The following METTL16 variants were observed in gnomAD, a reference collection of about 807,000 sequenced individuals.
METTL16 encodes the protein methyltransferase 16, RNA N6-adenosine.
METTL16 carries 19 observed loss-of-function variants against 57.9 expected under a neutral mutation model. The ratio of observed to expected loss-of-function variants is 0.33; its 90% CI spans 0.23 to 0.48. The LOEUF is 0.48. Ranked by LOEUF, METTL16 falls within the 20% of genes least tolerant of loss-of-function variation. METTL16 has a pLI of 0.99. For synonymous variants in METTL16, 246 were observed against 255.6 expected (o/e 0.96, Z 0.36); for missense variants, 434 against 691.5 (o/e 0.63, Z 4.18).
In METTL16 at chr17:2,442,507, GATT is replaced by G. The variant is rs1371869254; in HGVS notation, c.729-951_729-949del. Among the ~76,000 whole-genome samples, 3 of 151,362 alleles carry G rather than the reference GATT, an allele frequency of 2.0e-5. No homozygotes were observed. The East Asian group carries it at 5.8e-4, about 29-fold the overall frequency. On this transcript the variant is annotated intron_variant, in intron 6 of 9. Transcript: ENST00000263092. ...AAGAAGAAGAAAGGAAAAAAAAAAA[GATT>G]AGAGCAGAAACTGAGGAAAGAGAAA...
intron 3 of METTL16, among the ~76,000 whole-genome samples, chr17:2,474,048 G>A (rs992599381): frequency 6.6e-6 from 1 of 152,034 alleles, no homozygotes; most frequent in Non-Finnish European, 1.5e-5. Context: ...ACTTCCTAAA[G>A]GATCGAAACC....
chr17:2,508,056 T>A (rs1292916526), intron 1 of METTL16, among the ~76,000 whole-genome samples: 1 of 151,738 alleles, frequency 6.6e-6, no homozygotes, highest in East Asian at 1.9e-4. Flanking sequence ...TCTGCTGACC[T>A]TCCCTCCACT....
At chr17:2,446,949 C>A (rs1459582116) in intron 6 of METTL16, among the ~76,000 whole-genome samples, 1 of 151,480 alleles carries the variant, frequency 6.6e-6, no homozygotes, top group African/African-American at 2.4e-5. Context: ...ACCTCCCAGC[C>A]GCCTGCCTTG....
At chr17:2,474,680 C>T (rs950020947) in intron 3 of METTL16, among the ~76,000 whole-genome samples, 1 of 152,218 alleles carries the variant, frequency 6.6e-6, no homozygotes, top group South Asian at 2.1e-4. Flanking sequence ...AGTCCCAGCA[C>T]TTTGGGAGGC....
Position 2,420,958 on chromosome 17 carries a change from C to T in METTL16, c.889-54G>A. ...GAAGAAAGTTATCCGAATAATTAAACCTCATGCATTGTAATGAACTCAGAG... is the reference window on the plus strand; with the variant it reads ...GAAGAAAGTTATCCGAATAATTAAATCTCATGCATTGTAATGAACTCAGAG... On this transcript the variant is annotated intron_variant, in intron 8 of 9. Coordinates refer to ENST00000263092, the MANE Select transcript of METTL16 (RefSeq NM_024086.4). This position sits in a 1 kb window ranked among gnomAD's most constrained non-coding sequence, Gnocchi z 5.4. The T allele has an allele frequency of 2.2e-5, 34 of 1,576,700 alleles. No homozygotes were observed. Among genetic ancestry groups the T allele is most frequent in the Non-Finnish European group, 2.8e-5 (33 of 1,158,152 alleles).
chr17:2,477,633 C>G, intron 3 of METTL16, 53 bp downstream of exon 3: 1 of 1,354,120 alleles, frequency 7.4e-7, no homozygotes, highest in Non-Finnish European at 1.1e-6. Flanking sequence ...AGAATTTGAT[C>G]TCGCAAAACT....
At chr17:2,469,097 T>C (rs1389273797) in intron 4 of METTL16, among the ~76,000 whole-genome samples, 2 of 151,862 alleles carry the variant, frequency 1.3e-5, no homozygotes, top group Admixed American at 1.3e-4. Context: ...CTTAGACGGG[T>C]GTGGTGGTGG....
intron 6 of METTL16, among the ~76,000 whole-genome samples, chr17:2,456,214 C>T (rs2067109000): frequency 6.6e-6 from 1 of 152,044 alleles, no homozygotes; most frequent in Non-Finnish European, 1.5e-5. Flanking sequence ...TTCTCTATCT[C>T]TGGTATCTGT....
chr17:2,499,320 CA>C (rs1409469711), intron 2 of METTL16, among the ~76,000 whole-genome samples: 1 of 144,480 alleles, frequency 6.9e-6, no homozygotes, highest in Non-Finnish European at 1.5e-5. Context: ...CAAACAATGA[CA>C]AAACTATATC....
intron 6 of METTL16, among the ~76,000 whole-genome samples, chr17:2,451,623 AAAAAAAAAAAAG>A (rs1262801880): frequency 6.8e-6 from 1 of 148,050 alleles, no homozygotes; most frequent in Non-Finnish European, 1.5e-5. Flanking sequence ...TCTGTTTCCA[AAAAAAAAAAAAG>A]AAAAGAAAAG....
At position 2,419,998 on chromosome 17, in the gene METTL16, T is replaced by C. The variant is rs1309796607; in HGVS notation, c.1661A>G (p.Gln554Arg). The C allele has an allele frequency of 1.2e-6, 2 of 1,614,168 alleles. No individual in the cohort carries two copies. Among genetic ancestry groups the C allele is most frequent in the Middle Eastern group, 1.6e-4 (1 of 6,062 alleles). The change falls in exon 10 of 10, where the codon CAA (glutamine) becomes CGA (arginine). Residue 554 changes from glutamine (Q) to arginine (R), a missense_variant. Transcript: ENST00000263092. Reference sequence around the variant, plus strand: ...GTTAACTGCAACAAGCCTGAAAATTTGGTTACGTATGTAGGTGCAAAGCTG... The same window carrying C: ...GTTAACTGCAACAAGCCTGAAAATTCGGTTACGTATGTAGGTGCAAAGCTG... Reference protein sequence around the residue: ...MNQLCTYIRNQIFRLVAVN With the variant: ...MNQLCTYIRNRIFRLVAVN
chr17:2,425,106 G>A (rs1488047328), intron 8 of METTL16, among the ~76,000 whole-genome samples: 2 of 152,128 alleles, frequency 1.3e-5, no homozygotes, highest in African/African-American at 2.4e-5. Flanking sequence ...TAAAATATAG[G>A]ATCAAGTTCT....
At chr17:2,441,303 G>A (rs2066949842) in intron 7 of METTL16, among the ~76,000 whole-genome samples, 187 bp downstream of exon 7, 1 of 152,196 alleles carries the variant, frequency 6.6e-6, no homozygotes, top group Non-Finnish European at 1.5e-5. Context: ...TGGGGAGTGG[G>A]AGACCGGGTG....
chr17:2,458,953 T>C (rs1197086171), intron 6 of METTL16, among the ~76,000 whole-genome samples: 2 of 151,934 alleles, frequency 1.3e-5, no homozygotes, highest in Non-Finnish European at 2.9e-5. Flanking sequence ...ACTAAAGGCA[T>C]GTGCCACCAC....
intron 8 of METTL16, among the ~76,000 whole-genome samples, chr17:2,428,514 C>T (rs71359163): frequency 9.5e-6 from 1 of 104,968 alleles, no homozygotes; most frequent in African/African-American, 3.7e-5. Context: ...GGCGACAGAG[C>T]GAGACTCCGT....
chr17:2,502,999 G>C (rs184980533), intron 1 of METTL16, among the ~76,000 whole-genome samples: 1 of 152,318 alleles, frequency 6.6e-6, no homozygotes, highest in East Asian at 1.9e-4. Context: ...TTGCTGTTGG[G>C]AATGTGAAAT....
intron 8 of METTL16, among the ~76,000 whole-genome samples, chr17:2,431,478 G>A (rs2066873930): frequency 2.0e-5 from 3 of 152,080 alleles, no homozygotes; most frequent in African/African-American, 4.8e-5. Context: ...CATTTCTTTT[G>A]GATATAAACT....
chr17:2,446,800 C>T (rs928202951), intron 6 of METTL16, among the ~76,000 whole-genome samples: 12 of 152,118 alleles, frequency 7.9e-5, no homozygotes, highest in African/African-American at 2.9e-4. Flanking sequence ...CCGGGCTGGT[C>T]TCCAGCTCCT....
intron 5 of METTL16, among the ~76,000 whole-genome samples, chr17:2,465,751 AG>A (rs1445673998): frequency 6.6e-6 from 1 of 151,748 alleles, no homozygotes; most frequent in Non-Finnish European, 1.5e-5. Flanking sequence ...CAGGAGTCCC[AG>A]CAACTCAGGA....
Sources: gnomAD v4.1 joint callset for allele counts (sites outside exome capture counted in the v4.1 genomes callset) on GRCh38, gnomAD v4.1.1 for gene constraint, Gnocchi (gnomAD v3.1) non-coding constraint, MANE v1.5 for transcripts, NCBI Gene and HGNC (gene_info 2026-07-23, HGNC 2026-07-21) for gene names.